CUL5: variants seen among roughly 807,000 people sequenced by gnomAD.
CUL5 encodes cullin 5.
Under a neutral mutation model 108.8 loss-of-function variants are expected in CUL5, and 26 were observed. That is an observed-to-expected ratio of 0.24 (90% CI 0.18 to 0.33). The LOEUF (loss-of-function observed/expected upper bound fraction) is 0.33. CUL5 is among the 10% of genes least tolerant of loss of function. The pLI is 1.00. For missense variants in CUL5, 524 were observed against 909.2 expected, an observed-to-expected ratio of 0.58 and a Z score of 5.45; for synonymous variants, 334 against 298.0, an observed-to-expected ratio of 1.12 and a Z score of -1.25.
At chr11:108,087,961 A>G (rs111633544) in intron 11 of CUL5, among the ~76,000 whole-genome samples, 8 of 152,236 alleles carry the variant, frequency 5.3e-5, no homozygotes, top group African/African-American at 1.9e-4. Context: ...GCAAAACTCC[A>G]TCTCAAAAAA....
intron 2 of CUL5, among the ~76,000 whole-genome samples, chr11:108,035,225 C>T (rs907317627): frequency 6.6e-6 from 1 of 152,082 alleles, no homozygotes; most frequent in African/African-American, 2.4e-5. Context: ...GTGATGTGCC[C>T]CCTCCCAACT....
At chr11:108,065,685 A>C (rs1863659607) in intron 7 of CUL5, among the ~76,000 whole-genome samples, 1 of 152,150 alleles carries the variant, frequency 6.6e-6, no homozygotes, top group South Asian at 2.1e-4. Context: ...GGGAGGGGTA[A>C]CATTGGCGAT....
chr11:108,097,542 T>C (rs1402628719), intron 16 of CUL5, 94 bp from the exon 17 acceptor site: 1 of 678,604 alleles, frequency 1.5e-6, no homozygotes, highest in Non-Finnish European at 2.6e-6. Context: ...GTGTTTGTAA[T>C]CTTTTTCTTG....
chr11:108,025,454 T>C (rs1862430073), intron 1 of CUL5, among the ~76,000 whole-genome samples: 1 of 152,212 alleles, frequency 6.6e-6, no homozygotes, highest in Non-Finnish European at 1.5e-5. Flanking sequence ...TGGAATCAGT[T>C]TGATCCTTTT....
chr11:108,065,937 G>A (rs941053243), intron 7 of CUL5, among the ~76,000 whole-genome samples: 1 of 152,034 alleles, frequency 6.6e-6, no homozygotes, highest in Non-Finnish European at 1.5e-5. Context: ...ATGTTGTCCA[G>A]CCTGGTCTGC....
In CUL5 at chr11:108,033,786, C is replaced by CT. The variant is rs564647946; in HGVS notation, c.25-5dup. On this transcript the variant is annotated splice_polypyrimidine_tract_variant and intron_variant, in intron 1 of 18. Coordinates refer to ENST00000393094, the MANE Select transcript of CUL5 (RefSeq NM_003478.6). Reference sequence around the variant, plus strand: ...GCATTTAAATTAAACTCCCTTTTATCTTTTTTTTTTTCAAGAATAAAGGTT... The same window carrying CT: ...GCATTTAAATTAAACTCCCTTTTATCTTTTTTTTTTTTCAAGAATAAAGGTT... 0.047 allele frequency: 49,167 copies of CT among 1,041,888 alleles called. 8 individuals are homozygous for CT. The highest frequency in any genetic ancestry group is 0.074 in the South Asian group (3,958 of 53,840). 64.5% of individuals were successfully genotyped at this position (1,041,888 alleles called of 1,614,324 possible).
At position 108,097,616 on chromosome 11, in the gene CUL5, T is replaced by A. The variant is rs754896298; in HGVS notation, c.1906-20T>A. Reference sequence around the variant, plus strand: ...CATACTGTTTATAGATGCTAATTGTTTTCTCCTTATTCTTCATAGTCTTTA... The same window carrying A: ...CATACTGTTTATAGATGCTAATTGTATTCTCCTTATTCTTCATAGTCTTTA... On this transcript the variant is annotated intron_variant, in intron 16 of 18. Transcript: ENST00000393094. 2 of 1,386,790 alleles carry A rather than the reference T, an allele frequency of 1.4e-6. No homozygotes were observed. The highest frequency in any genetic ancestry group is 1.2e-5 in the South Asian group (1 of 86,110). The allele number at this position is 1,386,790 out of a possible 1,614,324, so 85.9% of individuals were successfully genotyped here.
intron 7 of CUL5, among the ~76,000 whole-genome samples, chr11:108,059,662 A>G (rs1863485213): frequency 6.6e-6 from 1 of 152,038 alleles, no homozygotes; most frequent in South Asian, 2.1e-4. Flanking sequence ...GTGGATCATG[A>G]GGTCAGGAGT....
intron 2 of CUL5, among the ~76,000 whole-genome samples, chr11:108,039,547 A>G (rs573449889): frequency 4.6e-5 from 7 of 152,330 alleles, no homozygotes; most frequent in Admixed American, 3.9e-4. Flanking sequence ...TATATTCACA[A>G]TGTTTTGCAA....
At chr11:108,028,970 A>G (rs1862514462) in intron 1 of CUL5, among the ~76,000 whole-genome samples, 1 of 152,204 alleles carries the variant, frequency 6.6e-6, no homozygotes. Context: ...CAGTAAGCTA[A>G]GTTACTTCTA....
At chr11:108,066,779 A>G (rs1392880803) in intron 7 of CUL5, among the ~76,000 whole-genome samples, 4 of 152,206 alleles carry the variant, frequency 2.6e-5, no homozygotes, top group African/African-American at 9.6e-5. Context: ...TTTGTCCTTA[A>G]GTTTATAGTA....
At chr11:108,098,036 G>GT in intron 17 of CUL5, among the ~76,000 whole-genome samples, 1 of 152,154 alleles carries the variant, frequency 6.6e-6, no homozygotes, top group Non-Finnish European at 1.5e-5. Flanking sequence ...CAGAGAAAGC[G>GT]TTTTTTGTGT....
intron 7 of CUL5, among the ~76,000 whole-genome samples, chr11:108,059,745 G>T (rs766041408): frequency 6.6e-6 from 1 of 152,060 alleles, no homozygotes; most frequent in African/African-American, 2.4e-5. Flanking sequence ...TTAGTTGGGC[G>T]TGGTGGCACG....
chr11:108,070,441 T>G (rs1293135481), intron 8 of CUL5, among the ~76,000 whole-genome samples: 2 of 152,186 alleles, frequency 1.3e-5, no homozygotes, highest in African/African-American at 4.8e-5. Context: ...ATTTCTACTT[T>G]TTTCTCAAAA....
intron 1 of CUL5, among the ~76,000 whole-genome samples, chr11:108,022,792 C>T (rs143963393): frequency 7.6e-4 from 115 of 152,284 alleles, no homozygotes; most frequent in African/African-American, 2.7e-3. Flanking sequence ...TTCAAGACTA[C>T]AGTGAGCAGT....
intron 18 of CUL5, among the ~76,000 whole-genome samples, chr11:108,099,839 C>T: frequency 6.6e-6 from 1 of 151,500 alleles, no homozygotes; most frequent in Admixed American, 6.6e-5. Flanking sequence ...TTATGTCTGA[C>T]TTTTTTTGCT....
intron 2 of CUL5, among the ~76,000 whole-genome samples, chr11:108,039,641 C>T (rs1194317059): frequency 3.3e-5 from 5 of 152,192 alleles, no homozygotes; most frequent in Non-Finnish European, 5.9e-5. Context: ...TTCATTCTTC[C>T]TCTCCTCAGC....
intron 2 of CUL5, among the ~76,000 whole-genome samples, chr11:108,036,877 G>A (rs941768840): frequency 6.6e-6 from 1 of 152,172 alleles, no homozygotes; most frequent in Non-Finnish European, 1.5e-5. Context: ...TGACTGGAAT[G>A]CAAGGTGTAG....
rs1864804305 is a variant in CUL5 at position 108,106,504 on chromosome 11, TGAAC to T, written c.*2121_*2124del. ...TATGTCCTAATTGTATTTTGGGGAA[TGAAC>T]AGCAGCAAATACTGTAAATGTACAG... is the stretch of plus-strand genomic sequence containing the variant. On this transcript the variant is annotated 3_prime_UTR_variant, in exon 19 of 19. Transcript: ENST00000393094. The T allele has an allele frequency of 6.6e-6, 1 of 150,882 alleles. No individual in the cohort carries two copies. Among genetic ancestry groups the T allele is most frequent in the Non-Finnish European group, 1.5e-5 (1 of 67,774 alleles). The allele number at this position is 150,882 out of a possible 1,614,324, so 9.3% of individuals were successfully genotyped here.
Sources: allele counts gnomAD v4.1 joint callset (sites outside exome capture counted in the v4.1 genomes callset), GRCh38; gene constraint gnomAD v4.1.1; transcripts MANE v1.5; gene names NCBI Gene and HGNC (gene_info 2026-07-23, HGNC 2026-07-21).